Variants in SIRT1 observed in about 807,000 individuals in gnomAD.
SIRT1 encodes the protein sirtuin 1.
SIRT1 carries 24 observed loss-of-function variants against 67.9 expected under a neutral mutation model. That is an observed-to-expected ratio of 0.35 (90% confidence interval 0.26 to 0.50). The LOEUF is 0.50. Among genes scored for constraint, SIRT1 ranks in the 20% least tolerant of loss-of-function variants. The pLI, the probability that SIRT1 is intolerant of heterozygous loss-of-function variation, is 0.98. For synonymous variants in SIRT1, 378 were observed against 350.7 expected, an observed-to-expected ratio of 1.08 and a Z score of -0.87; for missense variants, 873 against 937.2, an observed-to-expected ratio of 0.93 and a Z score of 0.89.
chr10:67,912,703 C>T lies in SIRT1; in HGVS notation c.1587C>T (p.Pro529=), dbSNP rs1842918362. 6.2e-7 allele frequency: 1 copy of T among 1,613,990 alleles called. No individual in the cohort carries two copies. The highest frequency in any genetic ancestry group is 8.5e-7 in the Non-Finnish European group (1 of 1,180,028). ...TGGCTTATTTGTCAGAGTTGCCACC[C>T]ACACCTCTTCATGTTTCAGAAGACT... ...KELAYLSELP[P]TPLHVSEDSS... is the part of the protein sequence containing the mutation. Residue 529 remains proline, a synonymous_variant, in exon 8 of 9, where the codon CCC becomes CCT. Coordinates refer to ENST00000212015, the MANE Select transcript of SIRT1 (RefSeq NM_012238.5).
intron 1 of SIRT1, among the ~76,000 whole-genome samples, 170 bp from the exon 2 acceptor site, chr10:67,887,247 A>T (rs1842497476): frequency 6.6e-6 from 1 of 152,182 alleles, no homozygotes; most frequent in Admixed American, 6.5e-5. Context: ...ATTCCTAAAG[A>T]TGAAGAAACT....
At position 67,891,395 on chromosome 10, in the gene SIRT1, A is replaced by C; in HGVS notation, c.790-7A>C. On this transcript the variant is annotated splice_region_variant and splice_polypyrimidine_tract_variant and intron_variant, in intron 3 of 8. Coordinates refer to ENST00000212015, the MANE Select transcript of SIRT1 (RefSeq NM_012238.5). ...TAATTTTACAAATTATGCCATGCAC[A>C]TTTTAGGTGTCTGTTTCATGTGGAA... The C allele has an allele frequency of 1.2e-6, 2 of 1,613,650 alleles. No individual in the cohort carries two copies. Among genetic ancestry groups the C allele is most frequent in the Non-Finnish European group, 1.7e-6 (2 of 1,179,692 alleles).
rs774466118 is a variant in SIRT1, at chr10:67,913,040, G to T, written c.1915+9G>T. Reference sequence around the variant, plus strand: ...TAGTAGGCGGCTTGATGGTAAGAAAGGCAGTCGGACCATTTTGAAAGTATA... The same window carrying T: ...TAGTAGGCGGCTTGATGGTAAGAAATGCAGTCGGACCATTTTGAAAGTATA... On this transcript the variant is annotated intron_variant, in intron 8 of 8. Coordinates refer to ENST00000212015, the MANE Select transcript of SIRT1 (RefSeq NM_012238.5). The T allele has an allele frequency of 1.3e-6, 2 of 1,583,694 alleles. No homozygotes were observed.
At position 67,918,368 on chromosome 10, in the gene SIRT1, T is replaced by C. The variant is rs951445538; in HGVS notation, c.*1775T>C. On this transcript the variant is annotated 3_prime_UTR_variant, in exon 9 of 9. Coordinates refer to ENST00000212015, the MANE Select transcript of SIRT1 (RefSeq NM_012238.5). Reference sequence around the variant, plus strand: ...GTTTTAAAGTCTATTAAAATTGTCATTTGACTTTTTTCTGTTAACTTACAT... The same window carrying C: ...GTTTTAAAGTCTATTAAAATTGTCACTTGACTTTTTTCTGTTAACTTACAT... 1 of 152,672 alleles carries C rather than the reference T, an allele frequency of 6.5e-6. No individual in the cohort carries two copies. The highest frequency in any genetic ancestry group is 1.9e-4 in the East Asian group (1 of 5,206). 9.5% of individuals were successfully genotyped at this position (152,672 alleles called of 1,614,324 possible).
At position 67,901,268 on chromosome 10, in the gene SIRT1, G is replaced by A. The variant is rs887446299; in HGVS notation, c.943-5522G>A. Among the ~76,000 whole-genome samples, 4 of 151,854 alleles carry A rather than the reference G, an allele frequency of 2.6e-5. No individual in the cohort carries two copies. In the East Asian group the frequency reaches 5.8e-4, roughly 22 times the overall value. ...CCACCTTAGCCTCCTGACTAGCTGT[G>A]ACCACAGATGTGCACCACCATGCCC... On this transcript the variant is annotated intron_variant, in intron 4 of 8. Coordinates refer to ENST00000212015, the MANE Select transcript of SIRT1 (RefSeq NM_012238.5).
At chr10:67,904,629 T>G (rs1027270077) in intron 4 of SIRT1, among the ~76,000 whole-genome samples, 15 of 152,210 alleles carry the variant, frequency 9.9e-5, no homozygotes, top group Admixed American at 7.2e-4. Flanking sequence ...GCGGATCACC[T>G]GAGGTCAGGA....
chr10:67,886,972 A>G (rs936437914), intron 1 of SIRT1, among the ~76,000 whole-genome samples: 1 of 151,796 alleles, frequency 6.6e-6, no homozygotes, highest in Non-Finnish European at 1.5e-5. Flanking sequence ...CCCGGGTTCA[A>G]GCCATTCTCG....
Position 67,917,590 on chromosome 10 carries a change from C to T in SIRT1, c.*997C>T, listed in dbSNP as rs1428306897. 6.6e-6 allele frequency: 1 copy of T among 152,468 alleles called. No homozygotes were observed. The highest frequency in any genetic ancestry group is 1.5e-5 in the Non-Finnish European group (1 of 68,008). The allele number at this position is 152,468 out of a possible 1,614,324, so 9.4% of individuals were successfully genotyped here. On this transcript the variant is annotated 3_prime_UTR_variant, in exon 9 of 9. Coordinates refer to ENST00000212015, the MANE Select transcript of SIRT1 (RefSeq NM_012238.5). ...TGCTGTTTTCCATTAATGAGGAGAG[C>T]AACAGGCCCCTGATTATACAGTTCC... is the stretch of plus-strand genomic sequence containing the variant.
intron 1 of SIRT1, among the ~76,000 whole-genome samples, chr10:67,886,397 A>G (rs1842481152): frequency 6.6e-6 from 1 of 151,978 alleles, no homozygotes; most frequent in Non-Finnish European, 1.5e-5. Flanking sequence ...GTTTCAGGCC[A>G]GCCTGGGCAA....
rs189729547 is a variant in SIRT1 at position 67,899,949 on chromosome 10, T to A, written c.943-6841T>A. ...AATACAAAAAATTAGCCGGCCGTGG[T>A]GGCAAGCGCCTGTAGTCCCAGCTGT... On this transcript the variant is annotated intron_variant, in intron 4 of 8. Transcript: ENST00000212015. Among the ~76,000 whole-genome samples, 604 of 151,934 alleles carry A rather than the reference T, an allele frequency of 4.0e-3. 6 individuals carry two copies. Among genetic ancestry groups the A allele is most frequent in the African/African-American group, 0.014 (571 of 41,458 alleles).
chr10:67,907,131 G>A (rs1379834675), intron 5 of SIRT1, among the ~76,000 whole-genome samples, 194 bp downstream of exon 5: 1 of 152,142 alleles, frequency 6.6e-6, no homozygotes, highest in African/African-American at 2.4e-5. Context: ...GTTAATTATA[G>A]AAAACCTCAG....
chr10:67,885,212 C>G, intron 1 of SIRT1, 61 bp downstream of exon 1: 1 of 1,283,394 alleles, frequency 7.8e-7, no homozygotes, highest in Non-Finnish European at 9.9e-7. Context: ...CGGGCTCCTA[C>G]TGGCCTGAGG....
At chr10:67,890,978 C>G (rs945173483) in intron 3 of SIRT1, among the ~76,000 whole-genome samples, 2 of 147,552 alleles carry the variant, frequency 1.4e-5, no homozygotes, top group African/African-American at 5.0e-5. Flanking sequence ...TACAGTGAGC[C>G]GAGATCGCAC....
At chr10:67,902,652 T>A (rs949854085) in intron 4 of SIRT1, among the ~76,000 whole-genome samples, 3 of 152,220 alleles carry the variant, frequency 2.0e-5, no homozygotes, top group Admixed American at 6.5e-5. Context: ...CATTTCACTT[T>A]TTTTGACAGG....
intron 1 of SIRT1, among the ~76,000 whole-genome samples, chr10:67,887,133 A>G (rs941551773): frequency 1.2e-4 from 19 of 152,132 alleles, no homozygotes; most frequent in African/African-American, 4.3e-4. Context: ...CGGCCTCCCA[A>G]AGCTCTGGAA....
intron 4 of SIRT1, among the ~76,000 whole-genome samples, chr10:67,891,822 C>T (rs919242447): frequency 2.0e-5 from 3 of 152,076 alleles, no homozygotes; most frequent in Non-Finnish European, 4.4e-5. Flanking sequence ...TCTGCCTGGG[C>T]TTTTTTAAGA....
Position 67,912,716 on chromosome 10 carries a change from G to A in SIRT1, c.1600G>A (p.Val534Ile), listed in dbSNP as rs1224283349. The A allele has an allele frequency of 2.5e-6, 4 of 1,613,998 alleles. No homozygotes were observed. Among genetic ancestry groups the A allele is most frequent in the Admixed American group, 1.7e-5 (1 of 60,002 alleles). ...AGAGTTGCCACCCACACCTCTTCATGTTTCAGAAGACTCAAGTTCACCAGA... is the reference window on the plus strand; with the variant it reads ...AGAGTTGCCACCCACACCTCTTCATATTTCAGAAGACTCAAGTTCACCAGA... ...LSELPPTPLH[V>I]SEDSSSPERT... Residue 534 changes from valine to isoleucine, a missense_variant, in exon 8 of 9, where the codon GTT (valine) becomes ATT (isoleucine). Physicochemically the swap from Val to Ile is conservative, Grantham distance 29. Coordinates refer to ENST00000212015, the MANE Select transcript of SIRT1 (RefSeq NM_012238.5).
chr10:67,896,527 G>A (rs867055407), intron 4 of SIRT1, among the ~76,000 whole-genome samples: 5 of 152,074 alleles, frequency 3.3e-5, no homozygotes, highest in Admixed American at 2.6e-4. Context: ...CAGGTGCAGC[G>A]GCTCACACCT....
At chr10:67,895,522 C>G (rs865788304) in intron 4 of SIRT1, among the ~76,000 whole-genome samples, 1 of 152,084 alleles carries the variant, frequency 6.6e-6, no homozygotes, top group Non-Finnish European at 1.5e-5. Flanking sequence ...CTAAGCTTTT[C>G]TGTGAGTCAG....
Sources: gnomAD v4.1 joint callset for allele counts (sites outside exome capture counted in the v4.1 genomes callset) on GRCh38, gnomAD v4.1.1 for gene constraint, MANE v1.5 for transcripts, NCBI Gene and HGNC (gene_info 2026-07-23, HGNC 2026-07-21) for gene names.